BPIFB4: variants seen among roughly 807,000 people sequenced by gnomAD.
BPIFB4 encodes the protein BPI fold-containing family B member 4.
Under a neutral mutation model 69.2 loss-of-function variants are expected in BPIFB4, and 62 were observed. The observed-to-expected ratio is 0.90, with a 90% CI of 0.73 to 1.11. BPIFB4 has a LOEUF of 1.11. Among genes scored for constraint, BPIFB4 ranks in the 50% least tolerant of loss-of-function variants. BPIFB4 has a pLI of 0.00. For synonymous variants in BPIFB4, 330 were observed against 332.7 expected (o/e 0.99, Z 0.09); for missense variants, 789 against 792.0 (o/e 1.00, Z 0.04).
At chr20:33,109,459 G>C (rs1982174554) in intron 17 of BPIFB4, among the ~76,000 whole-genome samples, 1 of 152,088 alleles carries the variant, frequency 6.6e-6, no homozygotes. Context: ...GAGTATCAGA[G>C]AGGGTAGGCC....
In BPIFB4 at chr20:33,083,442, ATGGTAT is replaced by A. The variant is rs745564445; in HGVS notation, c.247_252del (p.Gly83_Ile84del). ...GTATATACCAACGGCAAAAAACTTG[ATGGTAT>A]TTACCAGTATGGTCACATTGAGACC... On this transcript the variant is annotated inframe_deletion, in exon 5 of 18. Transcript: ENST00000375483. 1 of 1,613,600 alleles carries A rather than the reference ATGGTAT, an allele frequency of 6.2e-7. No individual in the cohort carries two copies. Among genetic ancestry groups the A allele is most frequent in the East Asian group, 2.2e-5 (1 of 44,850 alleles).
At chr20:33,085,905 G>A (rs987990330) in intron 6 of BPIFB4, 116 bp from the exon 7 acceptor site, 4 of 1,306,770 alleles carry the variant, frequency 3.1e-6, no homozygotes, top group Admixed American at 1.8e-5. Flanking sequence ...GGGTTCCTTA[G>A]AGATGAGCAA....
In BPIFB4 at chr20:33,103,335, C is replaced by G. The variant is rs560562736; in HGVS notation, c.1680+321C>G. Among the ~76,000 whole-genome samples, 3 of 152,310 alleles carry G rather than the reference C, an allele frequency of 2.0e-5. No individual in the cohort carries two copies. In the South Asian group the frequency reaches 6.2e-4, roughly 32 times the overall value. On this transcript the variant is annotated intron_variant, in intron 15 of 17. Transcript: ENST00000375483. ...CAGGGTGGGGAGGCACAGTGGGCAG[C>G]CTTGTCCTACAGGACCACTTTCCTT...
intron 3 of BPIFB4, among the ~76,000 whole-genome samples, chr20:33,082,531 A>G (rs1259872489): frequency 1.3e-5 from 2 of 151,886 alleles, no homozygotes; most frequent in Non-Finnish European, 2.9e-5. Context: ...ACGGGGTTTC[A>G]CCATCTTGGC....
chr20:33,084,867 T>C (rs1379820174), intron 5 of BPIFB4, 25 bp from the exon 6 acceptor site: 2 of 1,601,180 alleles, frequency 1.2e-6, no homozygotes, highest in African/African-American at 2.7e-5. Context: ...TGGCCGGCCT[T>C]CTCACCACTC....
chr20:33,088,868 A>G (rs1981512571), intron 7 of BPIFB4, 98 bp from the exon 8 acceptor site: 1 of 1,583,856 alleles, frequency 6.3e-7, no homozygotes, highest in South Asian at 1.2e-5. Flanking sequence ...AGAGGTTCTC[A>G]CTGTTCAGAG....
intron 5 of BPIFB4, among the ~76,000 whole-genome samples, chr20:33,084,463 A>T (rs142180997): frequency 1.3e-5 from 2 of 152,348 alleles, no homozygotes; most frequent in East Asian, 3.9e-4. Flanking sequence ...AAGAATCTCT[A>T]TAACGGGGCA....
At chr20:33,083,049 G>T (rs764959972) in intron 4 of BPIFB4, 49 bp downstream of exon 4, 1 of 1,532,214 alleles carries the variant, frequency 6.5e-7, no homozygotes, top group Non-Finnish European at 9.0e-7. Flanking sequence ...GGTCTGCTTG[G>T]TGGAAGTGGA....
In BPIFB4 at chr20:33,104,881, C is replaced by T. The variant is rs1183422244; in HGVS notation, c.1744+8C>T. Reference sequence around the variant, plus strand: ...TCATGCCCGCAATGAACGGTGAGAGCGGGTGCCTGTGCCTCTCTGGGAGCT... The same window carrying T: ...TCATGCCCGCAATGAACGGTGAGAGTGGGTGCCTGTGCCTCTCTGGGAGCT... On this transcript the variant is annotated splice_region_variant and intron_variant, in intron 16 of 17. Coordinates refer to ENST00000375483, the MANE Select transcript of BPIFB4 (RefSeq NM_182519.3). 5.6e-6 allele frequency: 9 copies of T among 1,613,556 alleles called. No homozygotes were observed. Among genetic ancestry groups the T allele is most frequent in the African/African-American group, 1.3e-5 (1 of 74,906 alleles).
rs56030970 is a variant in BPIFB4 at position 33,087,753 on chromosome 20, C to CACACACACACGCACAA, written c.927-1212_927-1211insCACACACACGCACAAA. The stretch of plus-strand genomic sequence containing the variant: ...ACACACACACACACACACACACACA[C>CACACACACACGCACAA]AAGCATGCATGCATACACACACATA... On this transcript the variant is annotated intron_variant, in intron 7 of 17. Coordinates refer to ENST00000375483, the MANE Select transcript of BPIFB4 (RefSeq NM_182519.3). 2.1e-5 allele frequency among the ~76,000 whole-genome samples: 3 copies of CACACACACACGCACAA among 140,750 alleles called. No homozygotes were observed. In the Admixed American group the frequency reaches 2.1e-4, roughly 10 times the overall value. The allele number at this position is 140,750 out of a possible 152,430, so 92.3% of individuals were successfully genotyped here.
intron 5 of BPIFB4, among the ~76,000 whole-genome samples, chr20:33,084,642 G>C (rs887154100): frequency 1.3e-5 from 2 of 152,206 alleles, no homozygotes; most frequent in African/African-American, 4.8e-5. Flanking sequence ...ATCTTGACAT[G>C]CAGAAAAGAT....
chr20:33,088,317 G>A (rs1324460775), intron 7 of BPIFB4, among the ~76,000 whole-genome samples: 1 of 147,622 alleles, frequency 6.8e-6, no homozygotes, highest in Non-Finnish European at 1.5e-5. Flanking sequence ...CTCCAGCCTG[G>A]GCAACAAACT....
intron 5 of BPIFB4, 122 bp downstream of exon 5, chr20:33,083,996 G>A (rs1600552927): frequency 8.2e-7 from 1 of 1,223,940 alleles, no homozygotes; most frequent in East Asian, 2.5e-5. Context: ...TCAGGGTTTG[G>A]CCTCAGGATT....
chr20:33,084,311 G>T (rs1981351708), intron 5 of BPIFB4, among the ~76,000 whole-genome samples: 3 of 152,152 alleles, frequency 2.0e-5, no homozygotes, highest in Admixed American at 6.5e-5. Context: ...TTGGCACTGG[G>T]GACATGACCC....
At chr20:33,107,623 G>A (rs1179371444) in intron 16 of BPIFB4, 121 bp from the exon 17 acceptor site, 7 of 707,864 alleles carry the variant, frequency 9.9e-6, no homozygotes, top group South Asian at 6.4e-5. Context: ...GCAACAGAGC[G>A]AGACTCTGTC....
intron 14 of BPIFB4, 117 bp from the exon 15 acceptor site, chr20:33,102,855 C>A: frequency 3.9e-6 from 4 of 1,023,924 alleles, no homozygotes; most frequent in South Asian, 1.3e-5. Flanking sequence ...TAAATCCCTG[C>A]AGGTGGAGAG....
At chr20:33,084,606 A>G (rs775413918) in intron 5 of BPIFB4, among the ~76,000 whole-genome samples, 6 of 152,232 alleles carry the variant, frequency 3.9e-5, no homozygotes, top group Non-Finnish European at 8.8e-5. Flanking sequence ...CAAGAGGGGC[A>G]GGGATGAGCA....
At position 33,092,490 on chromosome 20, in the gene BPIFB4, C is replaced by T. The variant is rs147935083; in HGVS notation, c.1176C>T (p.Ile392=). 4.3e-5 allele frequency: 69 copies of T among 1,614,068 alleles called. No individual in the cohort carries two copies. In the African/African-American group the frequency reaches 6.8e-4, roughly 16 times the overall value. Residue 392 remains isoleucine, a synonymous_variant, in exon 11 of 18, where the codon ATC becomes ATT. Coordinates refer to ENST00000375483, the MANE Select transcript of BPIFB4 (RefSeq NM_182519.3). ...TLVGEAGGGL[I]DYPLGWPAVS... ...TTGGGGAGGCTGGAGGAGGACTCAT[C>T]GACTACCCATTGGGGTGGCCAGCTG...
intron 15 of BPIFB4, among the ~76,000 whole-genome samples, chr20:33,103,797 CTT>C (rs1272234507): frequency 6.6e-6 from 1 of 152,194 alleles, no homozygotes; most frequent in East Asian, 1.9e-4. Context: ...ATCTTGCCAG[CTT>C]CATTTTATAA....
Sources: allele counts gnomAD v4.1 joint callset (sites outside exome capture counted in the v4.1 genomes callset), GRCh38; gene constraint gnomAD v4.1.1; transcripts MANE v1.5; gene names NCBI Gene and HGNC (gene_info 2026-07-23, HGNC 2026-07-21).